LRSAM1: variants seen among roughly 807,000 people sequenced by gnomAD.
LRSAM1 encodes E3 ubiquitin-protein ligase LRSAM1.
A neutral mutation model predicts 118.1 loss-of-function variants in LRSAM1; 96 were observed. That is an observed-to-expected ratio of 0.81 (90% confidence interval 0.69 to 0.96). The LOEUF is 0.96. Ranked by LOEUF, LRSAM1 falls within the 40% of genes least tolerant of loss-of-function variation. LRSAM1 has a pLI of 0.00. For synonymous variants in LRSAM1, 322 were observed against 364.2 expected (o/e 0.88, Z 1.32); for missense variants, 804 against 915.5 (o/e 0.88, Z 1.57).
intron 22 of LRSAM1, 29 bp downstream of exon 22, chr9:127,495,447 A>G (rs1290310441): frequency 6.2e-7 from 1 of 1,603,160 alleles, no homozygotes; most frequent in East Asian, 2.2e-5. Context: ...TGTCCCGGCC[A>G]GGGAGCCCTG....
intron 4 of LRSAM1, 43 bp downstream of exon 4, chr9:127,455,097 G>A (rs553351622): frequency 8.2e-6 from 13 of 1,594,400 alleles, no homozygotes; most frequent in African/African-American, 8.0e-5. Flanking sequence ...GATCTGTCCC[G>A]TTTTCTTGGA....
chr9:127,502,809 C>CTGCTGCCAGCAG lies in LRSAM1; in HGVS notation c.2093_2104dup (p.Gln698_Gln701dup). ...TCTTCCTCAACTGTGGCCACGTCTG[C>CTGCTGCCAGCAG]TGCTGCCAGCAGTGCTGCCAGCCAC... On this transcript the variant is annotated inframe_insertion, in exon 26 of 26. Coordinates refer to ENST00000300417, the MANE Select transcript of LRSAM1 (RefSeq NM_001005373.4). 1 of 1,612,052 alleles carries CTGCTGCCAGCAG rather than the reference C, an allele frequency of 6.2e-7. No homozygotes were observed. The highest frequency in any genetic ancestry group is 2.2e-5 in the East Asian group (1 of 44,834).
intron 9 of LRSAM1, among the ~76,000 whole-genome samples, chr9:127,464,664 G>A (rs1834866637): frequency 6.6e-6 from 1 of 151,248 alleles, no homozygotes; most frequent in Non-Finnish European, 1.5e-5. Context: ...TTTTCTTTGA[G>A]ACAGGCTCTC....
chr9:127,472,206 C>T (rs181080776), intron 10 of LRSAM1, among the ~76,000 whole-genome samples: 20 of 151,668 alleles, frequency 1.3e-4, no homozygotes, highest in African/African-American at 2.7e-4. Context: ...GTGATCCACC[C>T]GCCTCAGCCT....
chr9:127,490,645 T>C (rs966756060), intron 19 of LRSAM1, among the ~76,000 whole-genome samples: 1 of 152,210 alleles, frequency 6.6e-6, no homozygotes, highest in Admixed American at 6.5e-5. Flanking sequence ...GCCTCAGTTT[T>C]CTTGTCTATA....
intron 24 of LRSAM1, among the ~76,000 whole-genome samples, chr9:127,497,947 G>A (rs755004129): frequency 6.6e-6 from 1 of 152,224 alleles, no homozygotes; most frequent in Non-Finnish European, 1.5e-5. Context: ...AAACTGAAGC[G>A]CAAAGAGGTT....
chr9:127,472,661 A>AAT (rs1253853174), intron 10 of LRSAM1, among the ~76,000 whole-genome samples: 24 of 152,226 alleles, frequency 1.6e-4, no homozygotes, highest in Admixed American at 1.5e-3. Flanking sequence ...TAAATAAATA[A>AAT]AAATAAAAAT....
intron 3 of LRSAM1, 150 bp downstream of exon 3, chr9:127,454,749 AG>A: frequency 1.1e-6 from 1 of 937,704 alleles, no homozygotes; most frequent in Non-Finnish European, 1.7e-6. Context: ...CCAACAGATG[AG>A]GCCCCCTGCC....
At chr9:127,481,334 C>G in intron 15 of LRSAM1, 107 bp downstream of exon 15, 2 of 1,207,198 alleles carry the variant, frequency 1.7e-6, no homozygotes, top group South Asian at 2.5e-5. Flanking sequence ...CTCAGTGCAA[C>G]CCCCGCCGCC....
chr9:127,461,001 G>A (rs1834720695), intron 7 of LRSAM1, among the ~76,000 whole-genome samples, 172 bp from the exon 8 acceptor site: 1 of 151,924 alleles, frequency 6.6e-6, no homozygotes, highest in South Asian at 2.1e-4. Flanking sequence ...GACTACAGGT[G>A]TGTGCCACCA....
In LRSAM1 at chr9:127,498,185, C is replaced by T. The variant is rs139673739; in HGVS notation, c.1912+851C>T. Among the ~76,000 whole-genome samples the T allele has an allele frequency of 7.4e-3, 1,120 of 152,240 alleles. 14 individuals are homozygous for T. The highest frequency in any genetic ancestry group is 0.025 in the African/African-American group (1,032 of 41,550). On this transcript the variant is annotated intron_variant, in intron 24 of 25. Transcript: ENST00000300417. ...GGACTGGACCTCAGTGGGGAGGCCC[C>T]GGGGCTCCAGGGGGCTGGGCTGACT...
rs1399461612 is a variant in LRSAM1, at chr9:127,496,213, C to G, written c.1830+118C>G. ...TGAGGCCTGTCCTTACCTAATGGCC[C>G]AGGGCCACCTTGCTTCCAGATGGCC... On this transcript the variant is annotated intron_variant, in intron 23 of 25. Transcript: ENST00000300417. The G allele has an allele frequency of 4.9e-6, 7 of 1,441,770 alleles. No homozygotes were observed. In the Admixed American group the frequency reaches 6.3e-5, roughly 13 times the overall value. The allele number at this position is 1,441,770 out of a possible 1,614,324, so 89.3% of individuals were successfully genotyped here. A position where few individuals can be genotyped will look rare whatever the true frequency, so the allele number is the denominator to read the frequency against.
intron 17 of LRSAM1, 153 bp downstream of exon 17, chr9:127,485,988 G>A: frequency 1.4e-6 from 1 of 704,234 alleles, no homozygotes; most frequent in Non-Finnish European, 2.5e-6. Context: ...TGCTCTTCCT[G>A]AGTTTTCTAG....
chr9:127,502,005 C>G (rs1305774815), intron 25 of LRSAM1, among the ~76,000 whole-genome samples: 1 of 152,210 alleles, frequency 6.6e-6, no homozygotes. Flanking sequence ...TTCCTGAAAG[C>G]AGGAGATGCT....
chr9:127,468,081 AGT>A (rs1835027886), intron 10 of LRSAM1, among the ~76,000 whole-genome samples: 2 of 152,216 alleles, frequency 1.3e-5, no homozygotes, highest in Non-Finnish European at 2.9e-5. Context: ...TGTCTTTGAG[AGT>A]GTGGCTCCAC....
rs367599324 is a variant in LRSAM1, at chr9:127,479,961, G to T, written c.1026G>T (p.Leu342=). 7.9e-5 allele frequency: 128 copies of T among 1,614,110 alleles called. 1 individual carries two copies. Among genetic ancestry groups the T allele is most frequent in the Non-Finnish European group, 9.9e-5 (117 of 1,180,050 alleles). ...ACATTTCCAGCCGGATCCAGAAGCT[G>T]CTGCAGGACAATCAGAGGTTGGGCT... ...EQNISSRIQK[L]LQDNQRQKKS... The change falls in exon 14 of 26, where the codon CTG becomes CTT. Residue 342 remains leucine, a synonymous_variant. Coordinates refer to ENST00000300417, the MANE Select transcript of LRSAM1 (RefSeq NM_001005373.4).
chr9:127,490,308 T>C lies in LRSAM1; in HGVS notation c.1422+790T>C, dbSNP rs557547791. ...GACCAATTTACCTTTTTAATTTCCC[T>C]CTTTAATTTCAATTCCACATTGCCG... On this transcript the variant is annotated intron_variant, in intron 19 of 25. Transcript: ENST00000300417. Among the ~76,000 whole-genome samples, 4 of 152,322 alleles carry C rather than the reference T, an allele frequency of 2.6e-5. No homozygotes were observed. The South Asian group carries it at 8.3e-4, about 32-fold the overall frequency.
intron 15 of LRSAM1, among the ~76,000 whole-genome samples, chr9:127,481,600 C>T (rs1052332481): frequency 1.3e-5 from 2 of 152,042 alleles, no homozygotes; most frequent in Admixed American, 6.6e-5. Flanking sequence ...GAGGATTATG[C>T]CAGGACATTT....
intron 25 of LRSAM1, among the ~76,000 whole-genome samples, chr9:127,501,604 C>T (rs1263010398): frequency 2.0e-5 from 3 of 152,064 alleles, no homozygotes; most frequent in Non-Finnish European, 2.9e-5. Context: ...TGGTGGTGGG[C>T]GCCTGTAAGC....
Sources: gnomAD v4.1 joint callset for allele counts (sites outside exome capture counted in the v4.1 genomes callset) on GRCh38, gnomAD v4.1.1 for gene constraint, MANE v1.5 for transcripts, NCBI Gene and HGNC (gene_info 2026-07-23, HGNC 2026-07-21) for gene names.